Variants in PTPRB observed in about 807,000 individuals in gnomAD.
PTPRB encodes the protein receptor-type tyrosine-protein phosphatase beta.
A neutral mutation model predicts 238.1 loss-of-function variants in PTPRB; 97 were observed. That is an observed-to-expected ratio of 0.41 (90% CI 0.35 to 0.48). The LOEUF is 0.48. PTPRB is among the 20% of genes least tolerant of loss of function. The probability of loss-of-function intolerance (pLI) is 0.30; values close to 1 mark genes in which losing one functional copy is unlikely to be tolerated. For synonymous variants in PTPRB, 970 were observed against 995.4 expected (o/e 0.97, Z 0.48); for missense variants, 2,292 against 2,681.9 (o/e 0.85, Z 3.21).
chr12:70,616,066 A>G (rs1342565373), intron 3 of PTPRB, among the ~76,000 whole-genome samples: 1 of 152,022 alleles, frequency 6.6e-6, no homozygotes. Context: ...AGGATCCTGT[A>G]TTGCATCTAA....
At position 70,615,608 on chromosome 12, in the gene PTPRB, C is replaced by T. The variant is rs116582550; in HGVS notation, c.709-6269G>A. On this transcript the variant is annotated intron_variant, in intron 3 of 33. Coordinates refer to ENST00000334414, the MANE Select transcript of PTPRB (RefSeq NM_001109754.4). ...ATCAGATGTGAGTGCAAGTGAGCCA[C>T]TCTTCCAATCAGGCACTTCTGCTGC... 1.3e-3 allele frequency among the ~76,000 whole-genome samples: 199 copies of T among 152,352 alleles called. 1 individual carries two copies. Among genetic ancestry groups the T allele is most frequent in the African/African-American group, 4.6e-3 (190 of 41,584 alleles).
rs778401012 is a variant in PTPRB at position 70,532,087 on chromosome 12, T to C, written c.6452A>G (p.Tyr2151Cys). ...AAGTCTTAGGTCGTGCACTGCTCCA[T>C]AAATGTCCACAGAGTCTTTGGAGTC... ...QLDSKDSVDI[Y>C]GAVHDLRLHR... is the part of the protein sequence containing the mutation. The change falls in exon 32 of 34, where the codon TAT becomes TGT. Residue 2151 changes from tyrosine to cysteine, a missense_variant. By Grantham distance (194) the Tyr-to-Cys change is radical (BLOSUM62 -2). Coordinates refer to ENST00000334414, the MANE Select transcript of PTPRB (RefSeq NM_001109754.4). 6.2e-7 allele frequency: 1 copy of C among 1,613,946 alleles called. No individual in the cohort carries two copies. Among genetic ancestry groups the C allele is most frequent in the Non-Finnish European group, 8.5e-7 (1 of 1,179,862 alleles).
In PTPRB at chr12:70,555,903, C is replaced by T; in HGVS notation, c.4960G>A (p.Val1654Met). The change falls in exon 19 of 34, where the codon GTG becomes ATG. Residue 1654 changes from valine to methionine, a missense_variant. Physicochemically the swap from Val to Met is conservative, Grantham distance 21. Coordinates refer to ENST00000334414, the MANE Select transcript of PTPRB (RefSeq NM_001109754.4). ...ATTGTGATAGTGCTGTCTTCAACCA[C>T]CTCGCTGGTCATGCCGGCCGACTGC... The part of the protein sequence containing the change: ...KVQSAGMTSE[V>M]VEDSTITMID... 6.2e-7 allele frequency: 1 copy of T among 1,613,320 alleles called. No homozygotes were observed. The highest frequency in any genetic ancestry group is 8.5e-7 in the Non-Finnish European group (1 of 1,179,890).
At chr12:70,567,439 G>GT (rs1318396860) in intron 14 of PTPRB, among the ~76,000 whole-genome samples, 16 of 152,170 alleles carry the variant, frequency 1.1e-4, no homozygotes, top group Non-Finnish European at 2.9e-5. Context: ...TATTCTCATT[G>GT]TTTTTTTGTT....
chr12:70,580,052 C>G (rs1439502115), intron 10 of PTPRB, among the ~76,000 whole-genome samples: 1 of 151,740 alleles, frequency 6.6e-6, no homozygotes, highest in East Asian at 1.9e-4. Context: ...TAATTTTTTT[C>G]TAAGAAATGA....
rs372608788 is a variant in PTPRB at position 70,636,031 on chromosome 12, A to G, written c.91T>C (p.Cys31Arg). Residue 31 changes from cysteine (C) to arginine (R), a missense_variant, in exon 2 of 34, where the codon TGT (cysteine) becomes CGT (arginine). Cys to Arg is a radical substitution (Grantham distance 180). Coordinates refer to ENST00000334414, the MANE Select transcript of PTPRB (RefSeq NM_001109754.4). ...FQIVHVQKQQ[C>R]LFKNEKVVVG... The stretch of plus-strand genomic sequence containing the variant: ...ACCACTTTCTCATTTTTGAAAAGAC[A>G]CTGTTGTTTCTGGACATGGACAATC... 3 of 1,613,282 alleles carry G rather than the reference A, an allele frequency of 1.9e-6. No homozygotes were observed. The highest frequency in any genetic ancestry group is 2.5e-6 in the Non-Finnish European group (3 of 1,179,644).
In PTPRB at chr12:70,536,012, G is replaced by A; in HGVS notation, c.6081+13C>T. On this transcript the variant is annotated intron_variant, in intron 29 of 33. Coordinates refer to ENST00000334414, the MANE Select transcript of PTPRB (RefSeq NM_001109754.4). ...AAAGCAAAGCTTTGATGCCAGGAAG[G>A]CTGTTTACTCACTCGGCCCTTCTCA... 1.2e-6 allele frequency: 2 copies of A among 1,611,672 alleles called. No homozygotes were observed. The highest frequency in any genetic ancestry group is 1.7e-6 in the Non-Finnish European group (2 of 1,178,926).
At chr12:70,597,410 A>T (rs1253934422) in intron 4 of PTPRB, among the ~76,000 whole-genome samples, 1 of 152,320 alleles carries the variant, frequency 6.6e-6, no homozygotes, top group East Asian at 1.9e-4. Flanking sequence ...CTTGAATAGA[A>T]TAAAAAGCAT....
chr12:70,539,965 A>AGAT lies in PTPRB; in HGVS notation c.5649_5651dup (p.Ser1884dup), dbSNP rs1307879722. On this transcript the variant is annotated inframe_insertion, in exon 24 of 34. Transcript: ENST00000334414. ...CTTTCTGGCCCAGGTTTAAGTGGACAGATAATGGTCGATCCCTACGAATGC... is the reference window on the plus strand; with the variant it reads ...CTTTCTGGCCCAGGTTTAAGTGGACAGATGATAATGGTCGATCCCTACGAATGC... 6.2e-7 allele frequency: 1 copy of AGAT among 1,612,534 alleles called. No homozygotes were observed. The highest frequency in any genetic ancestry group is 1.7e-5 in the Admixed American group (1 of 60,016).
rs1288844251 is a variant in PTPRB at position 70,532,024 on chromosome 12, A to G, written c.6504+11T>C. The G allele has an allele frequency of 1.2e-5, 20 of 1,613,780 alleles. No homozygotes were observed. The highest frequency in any genetic ancestry group is 1.7e-5 in the Non-Finnish European group (20 of 1,179,888). ...GAGGGTGGCCTGTAACTTTCAGTCT[A>G]TAACTCTTACCTCAGTCTGGACCAT... is the stretch of plus-strand genomic sequence containing the variant. On this transcript the variant is annotated intron_variant, in intron 32 of 33. Coordinates refer to ENST00000334414, the MANE Select transcript of PTPRB (RefSeq NM_001109754.4).
intron 21 of PTPRB, among the ~76,000 whole-genome samples, chr12:70,550,307 A>T (rs185668583): frequency 7.2e-5 from 11 of 152,328 alleles, no homozygotes; most frequent in African/African-American, 2.4e-4. Flanking sequence ...GAACCATGTC[A>T]CATTCAGGAA....
At chr12:70,615,923 C>T (rs929353782) in intron 3 of PTPRB, among the ~76,000 whole-genome samples, 1 of 152,142 alleles carries the variant, frequency 6.6e-6, no homozygotes, top group Non-Finnish European at 1.5e-5. Flanking sequence ...ATTAAGTGTG[C>T]AATCTCAATA....
intron 2 of PTPRB, among the ~76,000 whole-genome samples, chr12:70,632,395 A>G (rs1885494158): frequency 1.3e-5 from 2 of 151,902 alleles, no homozygotes; most frequent in Admixed American, 1.3e-4. Context: ...ACTTGGACAC[A>G]GGGCAGGAGA....
At chr12:70,535,964 GC>G in intron 29 of PTPRB, 60 bp downstream of exon 29, 1 of 1,597,286 alleles carries the variant, frequency 6.3e-7, no homozygotes, top group Non-Finnish European at 8.5e-7. Flanking sequence ...TGATGATGGG[GC>G]AGAATTCTAT....
chr12:70,545,755 C>T (rs969625083), intron 21 of PTPRB, among the ~76,000 whole-genome samples: 11 of 152,110 alleles, frequency 7.2e-5, no homozygotes, highest in Non-Finnish European at 1.5e-4. Context: ...CTAGATGGGG[C>T]CCAGACTGAA....
intron 15 of PTPRB, among the ~76,000 whole-genome samples, chr12:70,565,610 C>T (rs775669757): frequency 1.3e-5 from 2 of 152,192 alleles, no homozygotes; most frequent in African/African-American, 4.8e-5. Context: ...GTGTCTGTCT[C>T]GTCAGTCAGC....
At chr12:70,535,518 C>G (rs933716811) in intron 29 of PTPRB, among the ~76,000 whole-genome samples, 3 of 152,122 alleles carry the variant, frequency 2.0e-5, no homozygotes, top group Non-Finnish European at 2.9e-5. Flanking sequence ...ATACTAGGCA[C>G]TTTATACGTA....
chr12:70,562,347 C>T (rs974493412), intron 16 of PTPRB, among the ~76,000 whole-genome samples: 5 of 152,134 alleles, frequency 3.3e-5, no homozygotes, highest in African/African-American at 1.2e-4. Context: ...AGGGTAGATT[C>T]TGTTTTTTGT....
intron 4 of PTPRB, among the ~76,000 whole-genome samples, chr12:70,603,545 A>C (rs1330205864): frequency 2.0e-5 from 3 of 152,128 alleles, no homozygotes; most frequent in Non-Finnish European, 4.4e-5. Flanking sequence ...GGAGCCAGTA[A>C]ACCAGAGTTC....
Sources: allele counts gnomAD v4.1 joint callset (sites outside exome capture counted in the v4.1 genomes callset), GRCh38; gene constraint gnomAD v4.1.1; transcripts MANE v1.5; gene names NCBI Gene and HGNC (gene_info 2026-07-23, HGNC 2026-07-21).